The following MRPS28 variants were observed in gnomAD, a reference collection of about 807,000 sequenced individuals.
The protein encoded by MRPS28 is mitochondrial ribosomal protein S28.
In MRPS28, 7 loss-of-function variants were observed where a neutral mutation model predicts 10.8. The ratio of observed to expected loss-of-function variants is 0.65; its 90% CI spans 0.37 to 1.22. The LOEUF (loss-of-function observed/expected upper bound fraction) is 1.22. MRPS28 is among the 50% of genes most tolerant of loss of function. The pLI is 0.02. For missense variants in MRPS28, 265 were observed against 232.9 expected (o/e 1.14, Z -0.90); for synonymous variants, 121 against 93.3 (o/e 1.30, Z -1.71).
chr8:79,982,674 T>C (rs1469478480), intron 2 of MRPS28, among the ~76,000 whole-genome samples: 1 of 152,074 alleles, frequency 6.6e-6, no homozygotes, highest in East Asian at 1.9e-4. Context: ...AGCACAGCAG[T>C]CTGAGATCAA....
intron 2 of MRPS28, among the ~76,000 whole-genome samples, chr8:80,000,674 T>C (rs925468114): frequency 2.0e-5 from 3 of 152,210 alleles, no homozygotes; most frequent in African/African-American, 7.2e-5. Flanking sequence ...ATAAAACAAA[T>C]TCAAATCAGA....
At chr8:80,029,909 A>C in intron 1 of MRPS28, 127 bp downstream of exon 1, 1 of 1,535,876 alleles carries the variant, frequency 6.5e-7, no homozygotes, top group South Asian at 1.2e-5. Flanking sequence ...ACGCACCGCA[A>C]CTCCGGAAAA....
At chr8:79,922,044 G>C (rs1319826939) in intron 2 of MRPS28, among the ~76,000 whole-genome samples, 1 of 152,034 alleles carries the variant, frequency 6.6e-6, no homozygotes, top group Non-Finnish European at 1.5e-5. Context: ...AGATAATCGT[G>C]GTTTTTGTCG....
At chr8:80,030,008 G>A (rs1454814623) in intron 1 of MRPS28, 28 bp downstream of exon 1, 1 of 1,602,946 alleles carries the variant, frequency 6.2e-7, no homozygotes, top group South Asian at 1.1e-5. Context: ...TAATTCCCGC[G>A]ACTCCCTCTC....
rs1563533130 is a variant in MRPS28, at chr8:79,982,992, ACC to A, written c.395+20005_395+20006del. 1.4e-3 allele frequency among the ~76,000 whole-genome samples: 162 copies of A among 118,876 alleles called. 2 individuals carry two copies. Among genetic ancestry groups the A allele is most frequent in the African/African-American group, 5.4e-3 (154 of 28,266 alleles). The allele number at this position is 118,876 out of a possible 152,430, so 78.0% of individuals were successfully genotyped here. ...GTGGGTCCCTGACGCCTGACCCCCGACCCCCGAGCAGCCTAACTGGGAGGCAC... is the reference window on the plus strand; with the variant it reads ...GTGGGTCCCTGACGCCTGACCCCCGACCCGAGCAGCCTAACTGGGAGGCAC... On this transcript the variant is annotated intron_variant, in intron 2 of 2. Coordinates refer to ENST00000276585, the MANE Select transcript of MRPS28 (RefSeq NM_014018.3).
chr8:79,990,592 A>G (rs1808333940), intron 2 of MRPS28, among the ~76,000 whole-genome samples: 1 of 151,690 alleles, frequency 6.6e-6, no homozygotes, highest in South Asian at 2.1e-4. Context: ...CTTCCATGTC[A>G]TGGAATCTTG....
At chr8:79,959,774 T>G (rs1394254856) in intron 2 of MRPS28, among the ~76,000 whole-genome samples, 1 of 152,252 alleles carries the variant, frequency 6.6e-6, no homozygotes, top group East Asian at 1.9e-4. Flanking sequence ...TCCTAGGCTT[T>G]TAAGAGCTGT....
In MRPS28 at chr8:79,937,715, C is replaced by T. The variant is rs1806640863; in HGVS notation, c.396-18567G>A. Among the ~76,000 whole-genome samples, 2 of 152,150 alleles carry T rather than the reference C, an allele frequency of 1.3e-5. 1 individual carries two copies. Among genetic ancestry groups the T allele is most frequent in the South Asian group, 4.1e-4 (2 of 4,826 alleles). On this transcript the variant is annotated intron_variant, in intron 2 of 2. Coordinates refer to ENST00000276585, the MANE Select transcript of MRPS28 (RefSeq NM_014018.3). ...TTCATAGTTTGATACTACCTTACAC[C>T]ACCAAACTGGATTAGTAAGGAAATC...
chr8:80,022,971 C>A (rs1013143975), intron 1 of MRPS28, among the ~76,000 whole-genome samples: 1 of 152,180 alleles, frequency 6.6e-6, no homozygotes, highest in African/African-American at 2.4e-5. Context: ...ACATATACAT[C>A]TTTTCTTTTA....
intron 1 of MRPS28, among the ~76,000 whole-genome samples, chr8:80,009,045 A>G (rs1808950682): frequency 6.6e-6 from 1 of 152,230 alleles, no homozygotes; most frequent in Non-Finnish European, 1.5e-5. Flanking sequence ...TCAGTGATAG[A>G]CTGGATTAAG....
At chr8:79,928,392 G>A (rs1414407596) in intron 2 of MRPS28, among the ~76,000 whole-genome samples, 1 of 151,954 alleles carries the variant, frequency 6.6e-6, no homozygotes, top group Admixed American at 6.6e-5. Context: ...TTCGTGACTT[G>A]ACCATAGGTC....
intron 2 of MRPS28, among the ~76,000 whole-genome samples, chr8:79,976,400 T>A (rs1461500351): frequency 2.0e-5 from 3 of 152,124 alleles, no homozygotes; most frequent in East Asian, 1.9e-4. Context: ...GAACCTTTTT[T>A]AAAACATATA....
intron 1 of MRPS28, among the ~76,000 whole-genome samples, chr8:80,027,261 C>T (rs1377252532): frequency 6.6e-6 from 1 of 152,164 alleles, no homozygotes; most frequent in East Asian, 1.9e-4. Context: ...GTACTGAGAG[C>T]ACGTTAAATG....
At chr8:80,025,806 T>A (rs907714864) in intron 1 of MRPS28, among the ~76,000 whole-genome samples, 1 of 152,226 alleles carries the variant, frequency 6.6e-6, no homozygotes, top group African/African-American at 2.4e-5. Flanking sequence ...ACACAGCTAG[T>A]AAATGGTAGA....
chr8:79,919,698 G>A lies in MRPS28; in HGVS notation c.396-550C>T, dbSNP rs1171480518. On this transcript the variant is annotated intron_variant, in intron 2 of 2. Coordinates refer to ENST00000276585, the MANE Select transcript of MRPS28 (RefSeq NM_014018.3). The stretch of plus-strand genomic sequence containing the variant: ...CCACAGTAAACGGAAATTCAAGCAA[G>A]ACAGTTCTTAAAACTGGTGTTTGCT... Among the ~76,000 whole-genome samples, 3 of 152,196 alleles carry A rather than the reference G, an allele frequency of 2.0e-5. No homozygotes were observed. The East Asian group carries it at 5.8e-4, about 29-fold the overall frequency.
At chr8:79,935,909 G>A (rs973383389) in intron 2 of MRPS28, among the ~76,000 whole-genome samples, 4 of 151,792 alleles carry the variant, frequency 2.6e-5, no homozygotes, top group African/African-American at 9.7e-5. Flanking sequence ...ATTCACCAGA[G>A]AAAAATGACT....
At position 80,003,245 on chromosome 8, in the gene MRPS28, G is replaced by T. The variant is rs1360771271; in HGVS notation, c.214-65C>A. On this transcript the variant is annotated intron_variant, in intron 1 of 2. Coordinates refer to ENST00000276585, the MANE Select transcript of MRPS28 (RefSeq NM_014018.3). ...CATGAAGGTATAATAAAGTCTTAAA[G>T]AAATTTTCTTAAAGTCAATTGTTGT... 9.0e-6 allele frequency: 11 copies of T among 1,221,714 alleles called. No individual in the cohort carries two copies. In the South Asian group the frequency reaches 1.3e-4, roughly 14 times the overall value. 75.7% of individuals were successfully genotyped at this position (1,221,714 alleles called of 1,614,324 possible). A position where few individuals can be genotyped will look rare whatever the true frequency, so the allele number is the denominator to read the frequency against.
intron 2 of MRPS28, among the ~76,000 whole-genome samples, chr8:79,993,155 T>C (rs544035791): frequency 5.9e-5 from 9 of 152,284 alleles, no homozygotes; most frequent in African/African-American, 1.9e-4. Context: ...CCTGAACCAA[T>C]TGTAGGACTG....
intron 2 of MRPS28, among the ~76,000 whole-genome samples, chr8:79,950,601 G>A (rs548895429): frequency 1.3e-5 from 2 of 152,178 alleles, no homozygotes; most frequent in East Asian, 1.9e-4. Context: ...TCGGATAGAT[G>A]ACTAGAAATA....
Sources: allele counts gnomAD v4.1 joint callset (sites outside exome capture counted in the v4.1 genomes callset), GRCh38; gene constraint gnomAD v4.1.1; transcripts MANE v1.5; gene names NCBI Gene and HGNC (gene_info 2026-07-23, HGNC 2026-07-21).